Variants in SHISA9 observed in about 807,000 individuals in gnomAD.
SHISA9 encodes the protein protein shisa-9.
SHISA9 carries 13 observed loss-of-function variants against 38.0 expected under a neutral mutation model. The ratio of observed to expected loss-of-function variants is 0.34; its 90% CI spans 0.22 to 0.54. The LOEUF (loss-of-function observed/expected upper bound fraction) is 0.54. Among genes scored for constraint, SHISA9 ranks in the 20% least tolerant of loss-of-function variants. The pLI is 0.91. For missense variants in SHISA9, 538 were observed against 575.8 expected (o/e 0.93, Z 0.67); for synonymous variants, 275 against 242.0 (o/e 1.14, Z -1.27).
At chr16:13,447,012 G>A in the SHISA9 span, among the ~76,000 whole-genome samples, 1 of 151,050 alleles carries the variant, frequency 6.6e-6, no homozygotes, top group Non-Finnish European at 1.5e-5. Flanking sequence ...AAAGGGACAG[G>A]GTAAAACTAT....
intron 2 of SHISA9, among the ~76,000 whole-genome samples, chr16:13,175,445 A>ATCCT (rs1303343842): frequency 6.6e-6 from 1 of 152,166 alleles, no homozygotes; most frequent in Non-Finnish European, 1.5e-5. Context: ...TGCTATAAGG[A>ATCCT]GTAAATGAGA....
At chr16:13,101,760 C>A (rs2073881076) in intron 2 of SHISA9, among the ~76,000 whole-genome samples, 2 of 152,214 alleles carry the variant, frequency 1.3e-5, no homozygotes, top group African/African-American at 4.8e-5. Context: ...GATAAGGGTT[C>A]CCTTTTCTCC....
the SHISA9 span, among the ~76,000 whole-genome samples, chr16:13,467,038 AAG>A: frequency 6.6e-6 from 1 of 152,200 alleles, no homozygotes; most frequent in Non-Finnish European, 1.5e-5. Context: ...GTATGGCTTA[AAG>A]AGATGCATAT....
chr16:12,946,312 T>G (rs995680427), intron 2 of SHISA9, among the ~76,000 whole-genome samples: 6 of 152,220 alleles, frequency 3.9e-5, no homozygotes, highest in Admixed American at 6.5e-5. Flanking sequence ...TAGGATTTTC[T>G]TGGCTATAGA....
the SHISA9 span, among the ~76,000 whole-genome samples, chr16:13,352,015 A>C: frequency 1.1e-4 from 16 of 152,190 alleles, no homozygotes; most frequent in African/African-American, 2.7e-4. Context: ...GGCTTTCCTG[A>C]CATCAAAGGA....
the SHISA9 span, among the ~76,000 whole-genome samples, chr16:13,525,780 C>T: frequency 6.6e-6 from 1 of 152,202 alleles, no homozygotes; most frequent in African/African-American, 2.4e-5. Context: ...CTACAATTAT[C>T]TATATCTCCT....
At chr16:13,560,040 G>T in the SHISA9 span, among the ~76,000 whole-genome samples, 2 of 152,242 alleles carry the variant, frequency 1.3e-5, no homozygotes, top group Admixed American at 1.3e-4. Context: ...AAACAAGAGA[G>T]AGAATTCATT....
the SHISA9 span, among the ~76,000 whole-genome samples, chr16:13,498,918 C>T: frequency 3.5e-3 from 535 of 152,276 alleles, 5 homozygotes; most frequent in African/African-American, 0.013. Flanking sequence ...CTGATCTGGC[C>T]TGTCCTGCCT....
chr16:13,217,435 G>A (rs2051181053), intron 4 of SHISA9, among the ~76,000 whole-genome samples: 1 of 152,190 alleles, frequency 6.6e-6, no homozygotes, highest in Non-Finnish European at 1.5e-5. Flanking sequence ...CAGTGCTACA[G>A]CAAGGCAATC....
At chr16:13,208,157 C>G (rs1478419534) in intron 3 of SHISA9, among the ~76,000 whole-genome samples, 21 of 152,118 alleles carry the variant, frequency 1.4e-4, no homozygotes, top group Non-Finnish European at 7.4e-5. Flanking sequence ...AATGAGAAAA[C>G]TGAACTATAA....
At chr16:13,432,635 T>C in the SHISA9 span, among the ~76,000 whole-genome samples, 48 of 152,288 alleles carry the variant, frequency 3.2e-4, no homozygotes, top group African/African-American at 1.1e-3. Context: ...CACAAACAAA[T>C]ATTGTGGACC....
the SHISA9 span, among the ~76,000 whole-genome samples, chr16:13,557,019 G>A: frequency 3.9e-5 from 6 of 152,270 alleles, no homozygotes; most frequent in South Asian, 1.2e-3. Flanking sequence ...AGGGGTGACT[G>A]TAACTTTCTT....
chr16:13,349,144 A>G, the SHISA9 span, among the ~76,000 whole-genome samples: 1 of 152,182 alleles, frequency 6.6e-6, no homozygotes, highest in Non-Finnish European at 1.5e-5. Context: ...CCCATCTAGG[A>G]TCTTTATATA....
chr16:13,532,762 G>T, the SHISA9 span, among the ~76,000 whole-genome samples: 2 of 152,044 alleles, frequency 1.3e-5, no homozygotes, highest in African/African-American at 4.8e-5. Context: ...ACCATCCACA[G>T]ATCCTGCTTT....
the SHISA9 span, among the ~76,000 whole-genome samples, chr16:13,544,846 G>A: frequency 6.6e-6 from 1 of 152,126 alleles, no homozygotes; most frequent in African/African-American, 2.4e-5. Flanking sequence ...AGGAGGCTGA[G>A]GCAGGAGAAT....
At chr16:13,553,532 C>T in the SHISA9 span, among the ~76,000 whole-genome samples, 1 of 152,106 alleles carries the variant, frequency 6.6e-6, no homozygotes, top group African/African-American at 2.4e-5. Flanking sequence ...AGCCTAAGTG[C>T]TCACCAGGTC....
chr16:13,316,526 A>T, the SHISA9 span, among the ~76,000 whole-genome samples: 1 of 152,170 alleles, frequency 6.6e-6, no homozygotes, highest in Non-Finnish European at 1.5e-5. Flanking sequence ...TAAAAATGGA[A>T]ACCATCATTC....
At chr16:13,142,234 C>T (rs914145265) in intron 2 of SHISA9, among the ~76,000 whole-genome samples, 8 of 152,086 alleles carry the variant, frequency 5.3e-5, no homozygotes, top group African/African-American at 9.7e-5. Context: ...AGGAATGGGG[C>T]GTCTAGCAGG....
downstream of SHISA9, among the ~76,000 whole-genome samples, chr16:13,242,323 A>G (rs987042348): frequency 8.5e-5 from 13 of 152,172 alleles, no homozygotes; most frequent in Non-Finnish European, 1.8e-4. Context: ...AGCTTCAGAT[A>G]AGGTAGATCC....
Sources: gnomAD v4.1 joint callset for allele counts (sites outside exome capture counted in the v4.1 genomes callset) on GRCh38, gnomAD v4.1.1 for gene constraint, MANE v1.5 for transcripts, NCBI Gene and HGNC (gene_info 2026-07-23, HGNC 2026-07-21) for gene names.